Variants in TXLNB observed in about 807,000 individuals in gnomAD.
TXLNB encodes beta-taxilin.
A neutral mutation model predicts 57.4 loss-of-function variants in TXLNB; 37 were observed. That is an observed-to-expected ratio of 0.64 (90% CI 0.50 to 0.85). The LOEUF is 0.85. Among genes scored for constraint, TXLNB ranks in the 40% least tolerant of loss-of-function variants. The pLI, the probability that TXLNB is intolerant of heterozygous loss-of-function variation, is 0.00. For synonymous variants in TXLNB, 302 were observed against 309.6 expected, an observed-to-expected ratio of 0.98 and a Z score of 0.26; for missense variants, 848 against 825.6, an observed-to-expected ratio of 1.03 and a Z score of -0.33.
At chr6:139,165,029 A>G in the TXLNB span, among the ~76,000 whole-genome samples, 1 of 152,230 alleles carries the variant, frequency 6.6e-6, no homozygotes, top group Admixed American at 6.5e-5. Flanking sequence ...AACAGCAGCA[A>G]CAACATTAAT....
the TXLNB span, among the ~76,000 whole-genome samples, chr6:139,318,034 C>G: frequency 1.3e-5 from 2 of 151,792 alleles, no homozygotes; most frequent in Non-Finnish European, 2.9e-5. Context: ...CTTTGGGAGG[C>G]CGAGGCAGAT....
the TXLNB span, among the ~76,000 whole-genome samples, chr6:139,206,256 T>C: frequency 1.3e-5 from 2 of 152,054 alleles, no homozygotes; most frequent in African/African-American, 4.8e-5. Context: ...GCCTATAAAA[T>C]AATAACACAA....
At chr6:139,207,404 A>G in the TXLNB span, among the ~76,000 whole-genome samples, 1 of 152,236 alleles carries the variant, frequency 6.6e-6, no homozygotes, top group Non-Finnish European at 1.5e-5. Context: ...AATGAAATCA[A>G]GATGGAAATT....
At chr6:139,188,854 A>G in the TXLNB span, among the ~76,000 whole-genome samples, 1 of 152,212 alleles carries the variant, frequency 6.6e-6, no homozygotes, top group Non-Finnish European at 1.5e-5. Flanking sequence ...TCCAGGGTTC[A>G]AGCAATTCTC....
the TXLNB span, among the ~76,000 whole-genome samples, chr6:139,223,146 TATTA>T: frequency 6.6e-6 from 1 of 152,192 alleles, no homozygotes; most frequent in Non-Finnish European, 1.5e-5. Context: ...ACAATTAAAC[TATTA>T]ATTAAAAGAT....
chr6:139,277,651 T>C (rs1287890346), intron 2 of TXLNB, among the ~76,000 whole-genome samples: 1 of 152,178 alleles, frequency 6.6e-6, no homozygotes, highest in Non-Finnish European at 1.5e-5. Context: ...TCTCTGGCCT[T>C]CCTTTCCCCC....
Position 139,247,802 on chromosome 6 carries a change from A to G in TXLNB, c.1170+15T>C, listed in dbSNP as rs760048570. Reference sequence around the variant, plus strand: ...AGAAAATGTCAATATTTTGTTGGTGATAAGCAATACTCACTTTGTCCATTT... The same window carrying G: ...AGAAAATGTCAATATTTTGTTGGTGGTAAGCAATACTCACTTTGTCCATTT... On this transcript the variant is annotated intron_variant, in intron 8 of 9. Transcript: ENST00000358430. 28 of 1,558,424 alleles carry G rather than the reference A, an allele frequency of 1.8e-5. No homozygotes were observed. In the South Asian group the frequency reaches 2.8e-4, roughly 16 times the overall value.
chr6:139,169,084 CTT>C, the TXLNB span, among the ~76,000 whole-genome samples: 1 of 152,174 alleles, frequency 6.6e-6, no homozygotes, highest in Non-Finnish European at 1.5e-5. Context: ...TCTGTACTCT[CTT>C]GGCCCTTTGG....
In TXLNB at chr6:139,243,075, AT is replaced by A. The variant is rs753629933; in HGVS notation, c.1505del (p.Asn502IlefsTer7). 1.9e-6 allele frequency: 3 copies of A among 1,613,980 alleles called. No homozygotes were observed. The South Asian group carries it at 3.3e-5, about 18-fold the overall frequency. ...EVNSVQTAVK[N>X]LATAFMIIHH... ...GAATTATCATGAAGGCTGTGGCCAG[AT>A]TTTTCACGGCGGTTTGGACACTATT... On this transcript the variant is annotated frameshift_variant, in exon 10 of 10. Coordinates refer to ENST00000358430, the MANE Select transcript of TXLNB (RefSeq NM_153235.4). LOFTEE classifies it low-confidence loss of function (END_TRUNC).
intron 4 of TXLNB, among the ~76,000 whole-genome samples, chr6:139,263,030 G>A (rs1225974177): frequency 6.6e-6 from 1 of 152,194 alleles, no homozygotes; most frequent in African/African-American, 2.4e-5. Flanking sequence ...AAGATGATGC[G>A]TCTCTTGCTG....
At chr6:139,316,040 GT>G in the TXLNB span, among the ~76,000 whole-genome samples, 1 of 152,224 alleles carries the variant, frequency 6.6e-6, no homozygotes, top group African/African-American at 2.4e-5. Flanking sequence ...TAAATAATAA[GT>G]AAAAAATGAC....
intron 2 of TXLNB, among the ~76,000 whole-genome samples, chr6:139,279,657 A>C (rs1257171778): frequency 6.6e-6 from 1 of 152,202 alleles, no homozygotes; most frequent in Non-Finnish European, 1.5e-5. Flanking sequence ...ACAAAAGGCT[A>C]TCATTACATC....
rs1237566596 is a variant in TXLNB at position 139,288,503 on chromosome 6, A to AT, written c.396dup (p.Leu133IlefsTer31). 6.2e-7 allele frequency: 1 copy of AT among 1,613,864 alleles called. No individual in the cohort carries two copies. The highest frequency in any genetic ancestry group is 8.5e-7 in the Non-Finnish European group (1 of 1,180,004). ...AATCCTTTTAGGATTTTCTTTTCCA[A>AT]TTTTTGCTCCTTATTGCTGACGGGC... On this transcript the variant is annotated frameshift_variant, in exon 2 of 10. Transcript: ENST00000358430. LOFTEE classifies it high-confidence loss of function.
chr6:139,288,786 A>G lies in TXLNB; in HGVS notation c.114T>C (p.Ser38=). The G allele has an allele frequency of 6.2e-7, 1 of 1,614,104 alleles. No individual in the cohort carries two copies. Among genetic ancestry groups the G allele is most frequent in the Non-Finnish European group, 8.5e-7 (1 of 1,180,022 alleles). ...NGLEKEDGQD[S]PTPVQPPEKE... is the part of the protein sequence containing the mutation. ...TCTCTGGTGGTTGGACTGGGGTTGG[A>G]GAATCCTGGCCATCTTCCTTCTCCA... Residue 38 remains serine, a synonymous_variant, in exon 2 of 10, where the codon TCT becomes TCC. Transcript: ENST00000358430.
intron 9 of TXLNB, 128 bp from the exon 10 acceptor site, chr6:139,243,442 T>C: frequency 1.1e-6 from 1 of 951,404 alleles, no homozygotes; most frequent in South Asian, 1.7e-5. Flanking sequence ...CTCTGGGACC[T>C]GGCTACAGAG....
chr6:139,179,173 C>T, the TXLNB span: 35 of 152,298 alleles, frequency 2.3e-4, no homozygotes, highest in Non-Finnish European at 4.0e-4. Context: ...TTAACTATCT[C>T]CTTATTGATT....
upstream of TXLNB, among the ~76,000 whole-genome samples, chr6:139,296,010 C>T (rs1777381992): frequency 6.6e-6 from 1 of 152,000 alleles, no homozygotes; most frequent in African/African-American, 2.4e-5. Context: ...ATGATCCCCA[C>T]ATACAAACAC....
intron 7 of TXLNB, among the ~76,000 whole-genome samples, chr6:139,250,445 G>A (rs994538028): frequency 1.4e-5 from 2 of 141,670 alleles, no homozygotes; most frequent in Non-Finnish European, 3.0e-5. Context: ...CAGACCTCTT[G>A]GTCTGAGACA....
At chr6:139,254,311 C>T (rs73560708) in intron 7 of TXLNB, among the ~76,000 whole-genome samples, 262 of 115,018 alleles carry the variant, frequency 2.3e-3, no homozygotes, top group African/African-American at 0.012. Flanking sequence ...ACAATGAACA[C>T]GATTTGTGTG....
Sources: gnomAD v4.1 joint callset for allele counts (sites outside exome capture counted in the v4.1 genomes callset) on GRCh38, gnomAD v4.1.1 for gene constraint, MANE v1.5 for transcripts, NCBI Gene and HGNC (gene_info 2026-07-23, HGNC 2026-07-21) for gene names.